The following ZNF705G variants were observed in gnomAD, a reference collection of about 807,000 sequenced individuals.
ZNF705G encodes the protein zinc finger protein 705G.
ZNF705G carries 23 observed loss-of-function variants against 19.6 expected under a neutral mutation model. The ratio of observed to expected loss-of-function variants is 1.17; its 90% CI spans 0.84 to 1.66. The LOEUF (loss-of-function observed/expected upper bound fraction) is 1.66, where lower values mean the gene tolerates loss of function less well. Among genes scored for constraint, ZNF705G ranks in the 40% most tolerant of loss-of-function variants. The probability of loss-of-function intolerance (pLI) is 0.00; values close to 1 mark genes in which losing one functional copy is unlikely to be tolerated. For missense variants in ZNF705G, 457 were observed against 354.4 expected (o/e 1.29, Z -2.32); for synonymous variants, 146 against 117.7 (o/e 1.24, Z -1.56).
Position 7,356,286 on chromosome 8 carries a change from C to G in ZNF705G, c.*1690G>C, listed in dbSNP as rs1329322504. The G allele has an allele frequency of 2.7e-5, 4 of 149,428 alleles. No individual in the cohort carries two copies. Among genetic ancestry groups the G allele is most frequent in the Non-Finnish European group, 5.9e-5 (4 of 68,026 alleles). 9.3% of individuals were successfully genotyped at this position (149,428 alleles called of 1,614,324 possible). On this transcript the variant is annotated 3_prime_UTR_variant, in exon 7 of 7. Transcript: ENST00000400156. ...CTTCTGGACTGCAGTAAAAGGAGCA[C>G]AGCTGTGTCTGTCTCTGTGTAATAA...
intron 1 of ZNF705G, 149 bp downstream of exon 1, chr8:7,385,349 T>C (rs1290855102): frequency 3.2e-4 from 47 of 148,906 alleles, no homozygotes; most frequent in African/African-American, 1.2e-3. Context: ...CTACTGATAA[T>C]AATAATAATA....
chr8:7,382,878 T>G (rs546149836), intron 1 of ZNF705G, among the ~76,000 whole-genome samples: 1 of 146,954 alleles, frequency 6.8e-6, no homozygotes, highest in Non-Finnish European at 1.5e-5. Context: ...GAGATTTTAG[T>G]ACACCTGTCA....
At position 7,358,791 on chromosome 8, in the gene ZNF705G, CTAAA is replaced by C. The variant is rs1776157140; in HGVS notation, c.319-235_319-232del. Reference sequence around the variant, plus strand: ...CAAACCTGCCTCCCCCTTCTGGTTCCTAAATAATATGGCTACAAGATGAAAAGCT... The same window carrying C: ...CAAACCTGCCTCCCCCTTCTGGTTCCTAATATGGCTACAAGATGAAAAGCT... On this transcript the variant is annotated intron_variant, in intron 6 of 6. Coordinates refer to ENST00000400156, the MANE Select transcript of ZNF705G (RefSeq NM_001164457.3). Among the ~76,000 whole-genome samples the C allele has an allele frequency of 3.3e-5, 5 of 149,496 alleles. No homozygotes were observed. In the East Asian group the frequency reaches 9.7e-4, roughly 29 times the overall value.
chr8:7,358,030 T>A lies in ZNF705G; in HGVS notation c.849A>T (p.Pro283=), dbSNP rs751096876. Residue 283 remains proline (P), a synonymous_variant, in exon 7 of 7, where the codon CCA becomes CCT. Transcript: ENST00000400156. ...GNKIIHTGEK[P]HACLLCGKAF... Reference sequence around the variant, plus strand: ...CCTTCCCACATAGAAGACAAGCATGTGGTTTCTCTCCAGTGTGAATTATTT... The same window carrying A: ...CCTTCCCACATAGAAGACAAGCATGAGGTTTCTCTCCAGTGTGAATTATTT... 2.1e-4 allele frequency: 332 copies of A among 1,608,878 alleles called. 11 individuals are homozygous for A. The South Asian group carries it at 3.3e-3, about 16-fold the overall frequency.
chr8:7,378,936 G>A (rs1464998207), intron 2 of ZNF705G, among the ~76,000 whole-genome samples: 1 of 147,736 alleles, frequency 6.8e-6, no homozygotes, highest in Non-Finnish European at 1.5e-5. Flanking sequence ...GCGGGAGACA[G>A]AGGGGACATT....
intron 2 of ZNF705G, among the ~76,000 whole-genome samples, chr8:7,381,124 T>C (rs2128848214): frequency 7.7e-6 from 1 of 130,438 alleles, no homozygotes; most frequent in South Asian, 2.4e-4. Flanking sequence ...AGTATTAGTG[T>C]TGTCGTTGCC....
Position 7,366,546 on chromosome 8 carries a change from C to G in ZNF705G, c.-71-3529G>C, listed in dbSNP as rs1233783618. ...AAGGGAGAAATCTATTTTAAAGAAA[C>G]TTGGCGCAATTTTTAAAGTACATGA... is the stretch of plus-strand genomic sequence containing the variant. On this transcript the variant is annotated intron_variant, in intron 2 of 6. Coordinates refer to ENST00000400156, the MANE Select transcript of ZNF705G (RefSeq NM_001164457.3). Among the ~76,000 whole-genome samples the G allele has an allele frequency of 2.0e-5, 3 of 149,586 alleles. 1 individual carries two copies. The highest frequency in any genetic ancestry group is 7.7e-5 in the African/African-American group (3 of 39,006).
rs1413589517 is a variant in ZNF705G, at chr8:7,355,617, G to C, written c.*2359C>G. The C allele has an allele frequency of 6.7e-6, 1 of 149,770 alleles. No homozygotes were observed. Among genetic ancestry groups the C allele is most frequent in the Non-Finnish European group, 1.5e-5 (1 of 68,022 alleles). The allele number at this position is 149,770 out of a possible 1,614,324, so 9.3% of individuals were successfully genotyped here. A position where few individuals can be genotyped will look rare whatever the true frequency, so the allele number is the denominator to read the frequency against. On this transcript the variant is annotated 3_prime_UTR_variant, in exon 7 of 7. Transcript: ENST00000400156. ...TTCCCTCTATGTGGAGGGAAGACGAGCTTGAATAAGAGAAGCATTCTGTGT... is the reference window on the plus strand; with the variant it reads ...TTCCCTCTATGTGGAGGGAAGACGACCTTGAATAAGAGAAGCATTCTGTGT...
chr8:7,379,150 C>T (rs1354445200), intron 2 of ZNF705G, among the ~76,000 whole-genome samples: 1 of 149,384 alleles, frequency 6.7e-6, no homozygotes, highest in Non-Finnish European at 1.5e-5. Context: ...TTTTATTTTT[C>T]ACTATGCCTG....
chr8:7,367,542 A>C (rs1366147311), intron 2 of ZNF705G, among the ~76,000 whole-genome samples: 5 of 149,526 alleles, frequency 3.3e-5, no homozygotes, highest in Non-Finnish European at 1.5e-5. Flanking sequence ...TGCATGCTCA[A>C]TTTCAAAGGG....
rs527796239 is a variant in ZNF705G at position 7,363,109 on chromosome 8, G to A, written c.-71-92C>T. On this transcript the variant is annotated intron_variant, in intron 2 of 6. Coordinates refer to ENST00000400156, the MANE Select transcript of ZNF705G (RefSeq NM_001164457.3). The stretch of plus-strand genomic sequence containing the variant: ...AAAAGCCAGACTTTCACTGAAGTGT[G>A]ACACCAGCTGCACCACAGCCTAACC... 40 of 1,500,376 alleles carry A rather than the reference G, an allele frequency of 2.7e-5. 1 individual carries two copies. The East Asian group carries it at 3.6e-4, about 14-fold the overall frequency. 92.9% of individuals were successfully genotyped at this position (1,500,376 alleles called of 1,614,324 possible). A position where few individuals can be genotyped will look rare whatever the true frequency, so the allele number is the denominator to read the frequency against.
rs556958107 is a variant in ZNF705G at position 7,361,153 on chromosome 8, G to A, written c.96C>T (p.Tyr32=). ...AMMDTSKRKL[Y]RDVMLENISH... is the part of the protein sequence containing the mutation. Reference sequence around the variant, plus strand: ...TGATATTTTCCAGCATCACATCTCTGTACAGCTTTCTCTTGGATGTGTCCA... The same window carrying A: ...TGATATTTTCCAGCATCACATCTCTATACAGCTTTCTCTTGGATGTGTCCA... Residue 32 remains tyrosine, a synonymous_variant, in exon 4 of 7, where the codon TAC becomes TAT. Coordinates refer to ENST00000400156, the MANE Select transcript of ZNF705G (RefSeq NM_001164457.3). The A allele has an allele frequency of 1.9e-6, 3 of 1,593,012 alleles. No individual in the cohort carries two copies. The highest frequency in any genetic ancestry group is 4.5e-5 in the East Asian group (2 of 44,854).
At chr8:7,377,146 A>AT (rs1447060882) in intron 2 of ZNF705G, among the ~76,000 whole-genome samples, 1 of 92,216 alleles carries the variant, frequency 1.1e-5, no homozygotes, top group Non-Finnish European at 2.0e-5. Flanking sequence ...AAAAATCCAA[A>AT]TTTTTGTGTG....
In ZNF705G at chr8:7,356,127, C is replaced by T. The variant is rs1271783315; in HGVS notation, c.*1849G>A. 1.3e-5 allele frequency: 2 copies of T among 149,258 alleles called. No individual in the cohort carries two copies. Among genetic ancestry groups the T allele is most frequent in the Non-Finnish European group, 2.9e-5 (2 of 68,014 alleles). The allele number at this position is 149,258 out of a possible 1,614,324, so 9.2% of individuals were successfully genotyped here. ...TTCACGGACAATACATTTTTCAATTCTGAGGACAAGGCAGAGGAGGGCCCC... is the reference window on the plus strand; with the variant it reads ...TTCACGGACAATACATTTTTCAATTTTGAGGACAAGGCAGAGGAGGGCCCC... On this transcript the variant is annotated 3_prime_UTR_variant, in exon 7 of 7. Transcript: ENST00000400156.
At chr8:7,362,251 C>T (rs1315469894) in intron 3 of ZNF705G, among the ~76,000 whole-genome samples, 2 of 149,676 alleles carry the variant, frequency 1.3e-5, no homozygotes, top group Non-Finnish European at 2.9e-5. Flanking sequence ...TTATATGTTA[C>T]TTTTACTTAC....
chr8:7,382,417 C>G (rs1368101620), intron 1 of ZNF705G, among the ~76,000 whole-genome samples: 1 of 146,602 alleles, frequency 6.8e-6, no homozygotes, highest in Non-Finnish European at 1.5e-5. Flanking sequence ...CCTTTTTTCC[C>G]CAGAATAAAT....
intron 2 of ZNF705G, among the ~76,000 whole-genome samples, chr8:7,368,555 G>C (rs991204984): frequency 6.7e-6 from 1 of 149,896 alleles, no homozygotes; most frequent in Admixed American, 6.6e-5. Context: ...GGGTCATGTA[G>C]TACTTGTAAG....
At chr8:7,362,755 G>C (rs1198246857) in intron 3 of ZNF705G, among the ~76,000 whole-genome samples, 180 bp downstream of exon 3, 1 of 149,300 alleles carries the variant, frequency 6.7e-6, no homozygotes, top group African/African-American at 2.6e-5. Flanking sequence ...TTAATGGGGG[G>C]CCAGATACCT....
intron 1 of ZNF705G, among the ~76,000 whole-genome samples, chr8:7,384,293 A>G (rs1411792390): frequency 9.7e-5 from 14 of 144,728 alleles, no homozygotes; most frequent in Non-Finnish European, 5.9e-5. Context: ...TGTTTGTCTC[A>G]GGAAAAAAAA....
Sources: gnomAD v4.1 joint callset for allele counts (sites outside exome capture counted in the v4.1 genomes callset) on GRCh38, gnomAD v4.1.1 for gene constraint, MANE v1.5 for transcripts, NCBI Gene and HGNC (gene_info 2026-07-23, HGNC 2026-07-21) for gene names.